Variants in DOCK7 observed in about 807,000 individuals in gnomAD.
DOCK7 encodes the protein dedicator of cytokinesis 7.
In DOCK7, 138 loss-of-function variants were observed where a neutral mutation model predicts 271.0. The ratio of observed to expected loss-of-function variants is 0.51; its 90% CI spans 0.44 to 0.59. DOCK7 has a LOEUF of 0.59. Ranked by LOEUF, DOCK7 falls within the 20% of genes least tolerant of loss-of-function variation. The probability of loss-of-function intolerance (pLI) is 0.00; values close to 1 mark genes in which losing one functional copy is unlikely to be tolerated. For missense variants in DOCK7, 2,066 were observed against 2,592.4 expected, an observed-to-expected ratio of 0.80 and a Z score of 4.41; for synonymous variants, 823 against 876.1, an observed-to-expected ratio of 0.94 and a Z score of 1.07.
chr1:62,465,586 C>T (rs1175783733), intron 48 of DOCK7, among the ~76,000 whole-genome samples: 2 of 152,108 alleles, frequency 1.3e-5, no homozygotes, highest in African/African-American at 4.8e-5. Context: ...GAGTCTTGCT[C>T]TGTTACCCAG....
intron 10 of DOCK7, 59 bp downstream of exon 10, chr1:62,633,439 G>A: frequency 8.0e-7 from 1 of 1,248,430 alleles, no homozygotes; most frequent in Non-Finnish European, 1.2e-6. Flanking sequence ...TGGGAGAATA[G>A]TATTCTCCCA....
At chr1:62,548,971 A>G (rs1049529690) in intron 22 of DOCK7, among the ~76,000 whole-genome samples, 5 of 152,192 alleles carry the variant, frequency 3.3e-5, no homozygotes, top group African/African-American at 1.2e-4. Flanking sequence ...TGGAAATATA[A>G]TTTTGGGAAT....
In DOCK7 at chr1:62,634,793, C is replaced by G. The variant is rs1655050128; in HGVS notation, c.1015G>C (p.Asp339His). The G allele has an allele frequency of 6.2e-7, 1 of 1,612,110 alleles. No individual in the cohort carries two copies. Among genetic ancestry groups the G allele is most frequent in the Non-Finnish European group, 8.5e-7 (1 of 1,179,162 alleles). Residue 339 changes from aspartate to histidine, a missense_variant, in exon 9 of 50, where the codon GAT (aspartate) becomes CAT (histidine). By Grantham distance (81) the Asp-to-His change is moderately conservative. Coordinates refer to ENST00000635253, the MANE Select transcript of DOCK7 (RefSeq NM_001367561.1). ...AIFSITYPSQ[D>H]VFLVIKLEKV... is the part of the protein sequence containing the mutation. ...CTCACCTTTATTACAAGAAAAACAT[C>G]TTGGGAAGGATAAGTGATAGAAAAA... is the stretch of plus-strand genomic sequence containing the variant.
intron 35 of DOCK7, among the ~76,000 whole-genome samples, chr1:62,507,532 T>C (rs1298758840): frequency 6.6e-6 from 1 of 152,242 alleles, no homozygotes; most frequent in African/African-American, 2.4e-5. Context: ...TACAGAATAC[T>C]GCCCAGAGGG....
intron 12 of DOCK7, chr1:62,625,030 T>C (rs1653768393): frequency 1.1e-5 from 4 of 367,772 alleles, no homozygotes. Context: ...TGATGCATTA[T>C]TAGTCATGGT....
At chr1:62,554,759 A>T (rs560683060) in intron 21 of DOCK7, among the ~76,000 whole-genome samples, 2 of 152,330 alleles carry the variant, frequency 1.3e-5, no homozygotes, top group East Asian at 3.9e-4. Context: ...TAAATGGAGG[A>T]GCACTGTAGA....
At chr1:62,565,633 C>T (rs1410569312) in intron 18 of DOCK7, among the ~76,000 whole-genome samples, 2 of 152,104 alleles carry the variant, frequency 1.3e-5, no homozygotes, top group African/African-American at 2.4e-5. Context: ...TGGAAGCATC[C>T]CCTTTGAAAA....
chr1:62,589,576 C>G (rs1648122290), intron 14 of DOCK7, among the ~76,000 whole-genome samples: 1 of 151,234 alleles, frequency 6.6e-6, no homozygotes, highest in Non-Finnish European at 1.5e-5. Flanking sequence ...GTGGATTGGT[C>G]ACTGTTTCTA....
chr1:62,465,767 G>A (rs947305632), intron 48 of DOCK7, among the ~76,000 whole-genome samples: 2 of 152,152 alleles, frequency 1.3e-5, no homozygotes, highest in Non-Finnish European at 2.9e-5. Context: ...GGCCAGGCTG[G>A]TCTTGAACTC....
chr1:62,550,324 A>G (rs1044695235), intron 22 of DOCK7, among the ~76,000 whole-genome samples: 2 of 152,198 alleles, frequency 1.3e-5, no homozygotes, highest in Non-Finnish European at 2.9e-5. Flanking sequence ...AGTATTAGGC[A>G]GTAGATAGTA....
chr1:62,489,206 T>C (rs1646385449), intron 41 of DOCK7, 141 bp from the exon 42 acceptor site: 2 of 737,350 alleles, frequency 2.7e-6, no homozygotes, highest in Admixed American at 3.9e-5. Context: ...TCCCAGCACT[T>C]TGGGAGGCCG....
At chr1:62,627,852 T>A (rs1194746544) in intron 11 of DOCK7, 1 of 152,176 alleles carries the variant, frequency 6.6e-6, no homozygotes, top group African/African-American at 2.4e-5. Context: ...AAATCCCAGA[T>A]GCCTTTGTGC....
chr1:62,654,402 C>T (rs763917198), intron 2 of DOCK7, among the ~76,000 whole-genome samples: 6 of 151,984 alleles, frequency 3.9e-5, no homozygotes, highest in Admixed American at 2.6e-4. Flanking sequence ...AGAACTCTCA[C>T]ATAAAAACAC....
In DOCK7 at chr1:62,577,328, A is replaced by G. The variant is rs760170883; in HGVS notation, c.2046T>C (p.Thr682=). Residue 682 remains threonine, a synonymous_variant, in exon 18 of 50, where the codon ACT becomes ACC. Transcript: ENST00000635253. ...ATGAGACTGGCAAGCAAAACTGGCC[A>G]GTCTTCAACCGTCCATTCTGAAGCA... ...IPMLQNGRLK[T]GQFCLPVSLE... is the part of the protein sequence containing the mutation. 6.3e-7 allele frequency: 1 copy of G among 1,589,588 alleles called. No individual in the cohort carries two copies. The highest frequency in any genetic ancestry group is 2.2e-5 in the East Asian group (1 of 44,548).
intron 4 of DOCK7, among the ~76,000 whole-genome samples, chr1:62,653,205 GCA>G (rs1364931787): frequency 4.6e-5 from 7 of 152,088 alleles, no homozygotes; most frequent in African/African-American, 9.7e-5. Flanking sequence ...ACTTGCTATT[GCA>G]CAGTTTATTA....
At chr1:62,646,686 T>C (rs1656709215) in intron 7 of DOCK7, among the ~76,000 whole-genome samples, 1 of 152,168 alleles carries the variant, frequency 6.6e-6, no homozygotes, top group African/African-American at 2.4e-5. Context: ...TTCTAGCCTC[T>C]ACAACTCTGA....
chr1:62,561,206 G>A (rs1243532956), intron 19 of DOCK7, among the ~76,000 whole-genome samples: 1 of 152,110 alleles, frequency 6.6e-6, no homozygotes, highest in Non-Finnish European at 1.5e-5. Context: ...AGAGAAAGAG[G>A]ATGTATAAAA....
At chr1:62,634,372 A>AT (rs1654990244) in intron 9 of DOCK7, 1 of 141,980 alleles carries the variant, frequency 7.0e-6, no homozygotes, top group East Asian at 2.2e-4. Context: ...CAAAATCTCA[A>AT]TGTTTTTTTT....
At chr1:62,584,748 T>C in intron 15 of DOCK7, 1 of 841,916 alleles carries the variant, frequency 1.2e-6, no homozygotes, top group Non-Finnish European at 2.0e-6. Flanking sequence ...GAGCTCACAA[T>C]CTAATGGGTG....
Sources: allele counts gnomAD v4.1 joint callset (sites outside exome capture counted in the v4.1 genomes callset), GRCh38; gene constraint gnomAD v4.1.1; transcripts MANE v1.5; gene names NCBI Gene and HGNC (gene_info 2026-07-23, HGNC 2026-07-21).